The following WWOX variants were observed in gnomAD, a reference collection of about 807,000 sequenced individuals.
WWOX encodes WW domain-containing oxidoreductase.
A neutral mutation model predicts 46.2 loss-of-function variants in WWOX; 69 were observed. The ratio of observed to expected loss-of-function variants is 1.49; its 90% confidence interval spans 1.23 to 1.82. The LOEUF is 1.82. WWOX is among the 40% of genes most tolerant of loss of function. The probability of loss-of-function intolerance (pLI) is 0.00; values close to 1 mark genes in which losing one functional copy is unlikely to be tolerated. For synonymous variants in WWOX, 359 were observed against 202.6 expected (o/e 1.77, Z -6.56); for missense variants, 919 against 542.6 (o/e 1.69, Z -6.89).
At chr16:78,984,151 T>C (rs962691389) in intron 8 of WWOX, among the ~76,000 whole-genome samples, 2 of 152,158 alleles carry the variant, frequency 1.3e-5, no homozygotes, top group African/African-American at 4.8e-5. Flanking sequence ...GTGCTGGCAT[T>C]ACAGGCATGA....
chr16:78,679,523 C>T (rs903935243), intron 8 of WWOX, among the ~76,000 whole-genome samples: 3 of 152,050 alleles, frequency 2.0e-5, no homozygotes, highest in Admixed American at 1.3e-4. Context: ...TGCACTCCAG[C>T]CTGGGTGACA....
chr16:79,175,912 A>G (rs531412587), intron 8 of WWOX, among the ~76,000 whole-genome samples: 7 of 152,274 alleles, frequency 4.6e-5, no homozygotes, highest in Non-Finnish European at 8.8e-5. Flanking sequence ...GCTTTTGGTC[A>G]TGCTGTAATC....
chr16:78,678,692 A>G (rs2142225281), intron 8 of WWOX, among the ~76,000 whole-genome samples: 1 of 152,134 alleles, frequency 6.6e-6, no homozygotes, highest in African/African-American at 2.4e-5. Flanking sequence ...GGTCTGAGAT[A>G]AACCTAAAAG....
chr16:79,007,634 C>G (rs1567479150), intron 8 of WWOX, among the ~76,000 whole-genome samples: 1 of 152,214 alleles, frequency 6.6e-6, no homozygotes, highest in Non-Finnish European at 1.5e-5. Context: ...ATTATTATCT[C>G]CTTAAACCTC....
At chr16:78,886,005 A>T (rs1267052700) in intron 8 of WWOX, among the ~76,000 whole-genome samples, 2 of 149,872 alleles carry the variant, frequency 1.3e-5, no homozygotes, top group Non-Finnish European at 3.0e-5. Flanking sequence ...GCTTGCTGCA[A>T]CCTCTGCCTC....
In WWOX at chr16:78,908,307, A is replaced by G. The variant is rs539803739; in HGVS notation, c.1057-303301A>G. 6.6e-5 allele frequency among the ~76,000 whole-genome samples: 10 copies of G among 152,232 alleles called. No homozygotes were observed. In the East Asian group the frequency reaches 1.4e-3, roughly 21 times the overall value. On this transcript the variant is annotated intron_variant, in intron 8 of 8. Coordinates refer to ENST00000566780, the MANE Select transcript of WWOX (RefSeq NM_016373.4). ...GTAATCCCAGCATTTTGGGAGGCCA[A>G]GGAGGGTGGTTCAACTGAGGTCAGG...
At chr16:79,101,785 C>A (rs188095933) in intron 8 of WWOX, 1 of 149,760 alleles carries the variant, frequency 6.7e-6, no homozygotes, top group African/African-American at 2.5e-5. Context: ...GCTTTCACAT[C>A]TACTTTCCAG....
At chr16:78,861,982 T>A (rs182896501) in intron 8 of WWOX, among the ~76,000 whole-genome samples, 126 of 152,252 alleles carry the variant, frequency 8.3e-4, no homozygotes, top group African/African-American at 2.8e-3. Flanking sequence ...TCTGGAGAAA[T>A]TGAACTAATA....
intron 5 of WWOX, among the ~76,000 whole-genome samples, chr16:78,383,138 C>G (rs1218868756): frequency 6.6e-6 from 1 of 151,414 alleles, no homozygotes; most frequent in Non-Finnish European, 1.5e-5. Context: ...TCACCTCCCA[C>G]CAGGCCCCAC....
At chr16:78,327,635 C>T (rs930832141) in intron 5 of WWOX, among the ~76,000 whole-genome samples, 1 of 152,156 alleles carries the variant, frequency 6.6e-6, no homozygotes, top group Non-Finnish European at 1.5e-5. Flanking sequence ...ATTCCACAAT[C>T]TTCTATTTTT....
At chr16:78,781,974 G>C (rs1008007691) in intron 8 of WWOX, among the ~76,000 whole-genome samples, 1 of 152,158 alleles carries the variant, frequency 6.6e-6, no homozygotes, top group Non-Finnish European at 1.5e-5. Flanking sequence ...AGCTGAGGCA[G>C]AGGATTCCAG....
At chr16:79,161,065 C>G (rs1215891658) in intron 8 of WWOX, among the ~76,000 whole-genome samples, 1 of 152,204 alleles carries the variant, frequency 6.6e-6, no homozygotes, top group Non-Finnish European at 1.5e-5. Flanking sequence ...TAGGAGATCA[C>G]TTTTCCGCAC....
At chr16:78,155,409 T>C (rs1046908141) in intron 4 of WWOX, among the ~76,000 whole-genome samples, 16 of 152,346 alleles carry the variant, frequency 1.1e-4, no homozygotes, top group Admixed American at 7.2e-4. Flanking sequence ...ATAAGATAAG[T>C]AGGTATTTAA....
intron 5 of WWOX, among the ~76,000 whole-genome samples, chr16:78,319,748 C>G (rs1425660016): frequency 6.6e-6 from 1 of 152,144 alleles, no homozygotes; most frequent in African/African-American, 2.4e-5. Flanking sequence ...AGGACTGTTC[C>G]ATCTGCACCG....
intron 8 of WWOX, chr16:78,896,657 C>G (rs1370794948): frequency 6.6e-6 from 1 of 152,074 alleles, no homozygotes; most frequent in Non-Finnish European, 1.5e-5. Flanking sequence ...TAATCTTAAC[C>G]TTTTCAAGCA....
At chr16:78,875,723 C>A (rs1294194902) in intron 8 of WWOX, among the ~76,000 whole-genome samples, 1 of 152,146 alleles carries the variant, frequency 6.6e-6, no homozygotes, top group African/African-American at 2.4e-5. Flanking sequence ...ATTTCCTAGT[C>A]GATTACAACT....
At chr16:79,106,687 A>G (rs2049315150) in intron 8 of WWOX, 1 of 145,444 alleles carries the variant, frequency 6.9e-6, no homozygotes, top group Non-Finnish European at 1.5e-5. Flanking sequence ...TGTGACCTCA[A>G]ACTCTTGGGC....
chr16:78,321,299 T>G (rs1329242146), intron 5 of WWOX, among the ~76,000 whole-genome samples: 21 of 89,884 alleles, frequency 2.3e-4, no homozygotes, highest in South Asian at 3.4e-4. Context: ...TACGTATATA[T>G]ATACGTATAT....
intron 8 of WWOX, among the ~76,000 whole-genome samples, chr16:78,647,957 A>G (rs1369430642): frequency 2.6e-5 from 4 of 152,214 alleles, no homozygotes; most frequent in Non-Finnish European, 5.9e-5. Context: ...TTTCATATGA[A>G]CGGTGGGCTT....
Sources: gnomAD v4.1 joint callset for allele counts (sites outside exome capture counted in the v4.1 genomes callset) on GRCh38, gnomAD v4.1.1 for gene constraint, MANE v1.5 for transcripts, NCBI Gene and HGNC (gene_info 2026-07-23, HGNC 2026-07-21) for gene names.